Variants in ARHGEF9 observed in about 807,000 individuals in gnomAD.
ARHGEF9 encodes rho guanine nucleotide exchange factor 9.
Under a neutral mutation model 41.3 loss-of-function variants are expected in ARHGEF9, and 2 were observed. That is an observed-to-expected ratio of 0.05 (90% CI 0.02 to 0.15). The LOEUF (loss-of-function observed/expected upper bound fraction) is 0.15. ARHGEF9 is among the 10% of genes least tolerant of loss of function. ARHGEF9 has a pLI of 1.00. For synonymous variants in ARHGEF9, 160 were observed against 154.4 expected (o/e 1.04, Z -0.27); for missense variants, 225 against 424.7 (o/e 0.53, Z 4.13).
chrX:63,700,948 C>T (rs2052118553), intron 3 of ARHGEF9, among the ~76,000 whole-genome samples: 1 of 111,143 alleles, frequency 9.0e-6, no homozygotes, highest in Non-Finnish European at 1.9e-5. Context: ...GGTGGGAAGG[C>T]AGGCCAGAGA....
At chrX:63,783,388 C>T (rs1202762027) in intron 1 of ARHGEF9, among the ~76,000 whole-genome samples, 2 of 109,379 alleles carry the variant, frequency 1.8e-5, no homozygotes, top group Admixed American at 9.7e-5. Flanking sequence ...GATTCTCCTG[C>T]CTCAGCCTCA....
At chrX:63,681,357 A>G (rs1556369187) in intron 4 of ARHGEF9, among the ~76,000 whole-genome samples, 2 of 112,103 alleles carry the variant, frequency 1.8e-5, no homozygotes, top group Non-Finnish European at 3.8e-5. Context: ...ATACCACAAA[A>G]TAAGTCTTAG....
intron 7 of ARHGEF9, among the ~76,000 whole-genome samples, chrX:63,663,222 CA>C (rs1275360405): frequency 9.0e-6 from 1 of 111,647 alleles, no homozygotes; most frequent in Non-Finnish European, 1.9e-5. Flanking sequence ...CCATCTGCCT[CA>C]AACAGGGGGT....
At chrX:63,753,204 A>G (rs2055759574) in intron 1 of ARHGEF9, among the ~76,000 whole-genome samples, 1 of 112,097 alleles carries the variant, frequency 8.9e-6, no homozygotes, top group African/African-American at 3.2e-5. Context: ...TCAAACTGGA[A>G]TGTTGCTTCC....
At chrX:63,706,177 A>G (rs782127697) in intron 3 of ARHGEF9, 81 bp downstream of exon 3, 85 of 1,062,850 alleles carry the variant, frequency 8.0e-5, no homozygotes, top group Non-Finnish European at 1.0e-4. Context: ...CCTTTCCAAC[A>G]TCTTGGGACT....
intron 5 of ARHGEF9, among the ~76,000 whole-genome samples, chrX:63,678,091 A>C (rs1376193422): frequency 4.5e-5 from 5 of 111,102 alleles, no homozygotes; most frequent in African/African-American, 1.6e-4. Context: ...GTGGTTCTGG[A>C]GCCCTAGGCA....
At chrX:63,642,640 A>C (rs1342964279) in intron 9 of ARHGEF9, 2 of 111,948 alleles carry the variant, frequency 1.8e-5, no homozygotes, top group Non-Finnish European at 3.8e-5. Context: ...CCTCAATCAA[A>C]AGAAGCTTCA....
intron 8 of ARHGEF9, among the ~76,000 whole-genome samples, chrX:63,652,579 T>C (rs1278261317): frequency 5.4e-5 from 6 of 111,414 alleles, no homozygotes; most frequent in African/African-American, 2.0e-4. Flanking sequence ...TACCAAGAGA[T>C]GACTGTGGTT....
chrX:63,757,601 C>T (rs1337774487), intron 1 of ARHGEF9, among the ~76,000 whole-genome samples: 2 of 111,154 alleles, frequency 1.8e-5, no homozygotes, highest in East Asian at 5.7e-4. Context: ...TCTGTTGATC[C>T]TCTTCCTCCT....
intron 1 of ARHGEF9, among the ~76,000 whole-genome samples, chrX:63,751,703 G>C (rs1240331330): frequency 8.9e-6 from 1 of 112,051 alleles, no homozygotes; most frequent in Non-Finnish European, 1.9e-5. Flanking sequence ...TGGCATGGGT[G>C]ATACCCATCC....
rs1365085581 is a variant in ARHGEF9, at chrX:63,749,293, A to G, written c.31-24582T>C. Among the ~76,000 whole-genome samples the G allele has an allele frequency of 2.7e-5, 3 of 111,046 alleles. No homozygotes were observed. In the Admixed American group the frequency reaches 2.9e-4, roughly 11 times the overall value. ...GTCACCCAGGCTGGAGTGCAGTGGCATGATCTCGGCTCACTGCATCCTCCG... is the reference window on the plus strand; with the variant it reads ...GTCACCCAGGCTGGAGTGCAGTGGCGTGATCTCGGCTCACTGCATCCTCCG... On this transcript the variant is annotated intron_variant, in intron 1 of 9. Coordinates refer to ENST00000671741, the MANE Select transcript of ARHGEF9 (RefSeq NM_001353921.2).
chrX:63,667,978 T>C (rs1217201037), intron 6 of ARHGEF9, among the ~76,000 whole-genome samples: 8 of 110,464 alleles, frequency 7.2e-5, no homozygotes, highest in Admixed American at 4.8e-4. Flanking sequence ...ATGTATGAAG[T>C]CCAATAAAGC....
At position 63,637,258 on chromosome X, in the gene ARHGEF9, T is replaced by G. The variant is rs1556298953; in HGVS notation, c.*770A>C. The G allele has an allele frequency of 1.7e-5, 5 of 295,782 alleles. No individual in the cohort carries two copies. Among genetic ancestry groups the G allele is most frequent in the Non-Finnish European group, 2.9e-5 (5 of 170,129 alleles). 24.4% of individuals were successfully genotyped at this position (295,782 alleles called of 1,213,427 possible). On this transcript the variant is annotated 3_prime_UTR_variant, in exon 10 of 10. Transcript: ENST00000671741. ...ACAGAAGTCCACTCCAGCATCATCATAGTCTGATACTCCCTTGCTTCTGTT... is the reference window on the plus strand; with the variant it reads ...ACAGAAGTCCACTCCAGCATCATCAGAGTCTGATACTCCCTTGCTTCTGTT...
chrX:63,760,645 A>AGAT (rs1404013016), intron 1 of ARHGEF9, among the ~76,000 whole-genome samples: 1 of 111,739 alleles, frequency 8.9e-6, no homozygotes, highest in East Asian at 2.8e-4. Flanking sequence ...AGGGAAAAAG[A>AGAT]GATCATCTCC....
At chrX:63,784,415 A>G (rs1282549882) in intron 1 of ARHGEF9, among the ~76,000 whole-genome samples, 7 of 112,669 alleles carry the variant, frequency 6.2e-5, no homozygotes, top group Non-Finnish European at 1.3e-4. Context: ...ACACAAGCAC[A>G]CACTCCTTGG....
rs782189949 is a variant in ARHGEF9, at chrX:63,665,873, G to A, written c.1077+13C>T. 1.7e-6 allele frequency: 2 copies of A among 1,209,829 alleles called. No individual in the cohort carries two copies. ...GTACCCATCTCCCTCAGGGAAGAAGGGGGCAGGGTTACCTTCTTGCAGAGG... is the reference window on the plus strand; with the variant it reads ...GTACCCATCTCCCTCAGGGAAGAAGAGGGCAGGGTTACCTTCTTGCAGAGG... On this transcript the variant is annotated intron_variant, in intron 7 of 9. Transcript: ENST00000671741.
chrX:63,748,356 A>G (rs1187423560), intron 1 of ARHGEF9, among the ~76,000 whole-genome samples: 1 of 112,459 alleles, frequency 8.9e-6, no homozygotes, highest in Non-Finnish European at 1.9e-5. Flanking sequence ...TGAAGAAAAA[A>G]AATAAAAACC....
intron 1 of ARHGEF9, among the ~76,000 whole-genome samples, chrX:63,726,361 C>T (rs781942047): frequency 6.3e-5 from 7 of 111,682 alleles, no homozygotes; most frequent in Admixed American, 9.5e-5. Context: ...TTTTTTGGGA[C>T]GGAATCTCTC....
chrX:63,648,036 A>G (rs1214181396), intron 8 of ARHGEF9, among the ~76,000 whole-genome samples: 11 of 111,712 alleles, frequency 9.8e-5, no homozygotes, highest in African/African-American at 2.3e-4. Flanking sequence ...GCAGGATAGT[A>G]TCCAGGAGAA....
Sources: gnomAD v4.1 joint callset for allele counts (sites outside exome capture counted in the v4.1 genomes callset) on GRCh38, gnomAD v4.1.1 for gene constraint, MANE v1.5 for transcripts, NCBI Gene and HGNC (gene_info 2026-07-23, HGNC 2026-07-21) for gene names.